LETM1: variants seen among roughly 807,000 people sequenced by gnomAD.
The protein encoded by LETM1 is leucine zipper and EF-hand containing transmembrane protein 1.
LETM1 carries 50 observed loss-of-function variants against 74.5 expected under a neutral mutation model. The ratio of observed to expected loss-of-function variants is 0.67; its 90% CI spans 0.53 to 0.85. The LOEUF is 0.85. Ranked by LOEUF, LETM1 falls within the 40% of genes least tolerant of loss-of-function variation. The pLI, the probability that LETM1 is intolerant of heterozygous loss-of-function variation, is 0.00. For missense variants in LETM1, 824 were observed against 967.8 expected (o/e 0.85, Z 1.97); for synonymous variants, 446 against 407.1 (o/e 1.10, Z -1.15).
chr4:1,855,993 C>T lies in LETM1; in HGVS notation c.-43G>A. 8.7e-7 allele frequency: 1 copy of T among 1,152,706 alleles called. No homozygotes were observed. The highest frequency in any genetic ancestry group is 1.1e-6 in the Non-Finnish European group (1 of 924,668). 71.4% of individuals were successfully genotyped at this position (1,152,706 alleles called of 1,614,324 possible). A position where few individuals can be genotyped will look rare whatever the true frequency, so the allele number is the denominator to read the frequency against. On this transcript the variant is annotated 5_prime_UTR_variant, in exon 1 of 14. Transcript: ENST00000302787. ...CCGCTCCGGCCTCCTGCGCTGCCTC[C>T]TTCTCCGCGGCGGCCGCGGCTCTTC...
intron 2 of LETM1, among the ~76,000 whole-genome samples, chr4:1,844,177 C>A (rs1268578915): frequency 6.6e-6 from 1 of 152,226 alleles, no homozygotes; most frequent in Non-Finnish European, 1.5e-5. Context: ...GAGTTGGGCA[C>A]ACCTGCAGGG....
Position 1,841,382 on chromosome 4 carries a change from T to C in LETM1, c.559A>G (p.Asn187Asp), listed in dbSNP as rs759059110. Reference protein sequence around the residue: ...IAARMLWRILNGHSLTRRERR... With the variant: ...IAARMLWRILDGHSLTRRERR... ...TCCCGGCGGGTCAGGCTGTGGCCGT[T>C]GAGGATGCGCCAGAGCATGCGTGCC... The change falls in exon 3 of 14, where the codon AAC (asparagine) becomes GAC (aspartate). Residue 187 changes from asparagine to aspartate, a missense_variant. By Grantham distance (23) the Asn-to-Asp change is conservative (BLOSUM62 1). Transcript: ENST00000302787. 3.1e-6 allele frequency: 5 copies of C among 1,613,632 alleles called. No homozygotes were observed. The African/African-American group carries it at 6.7e-5, about 22-fold the overall frequency.
chr4:1,855,941 T>G lies in LETM1; in HGVS notation c.10A>C (p.Ile4Leu). 8.2e-7 allele frequency: 1 copy of G among 1,224,326 alleles called. No homozygotes were observed. Among genetic ancestry groups the G allele is most frequent in the African/African-American group, 1.6e-5 (1 of 63,452 alleles). 75.8% of individuals were successfully genotyped at this position (1,224,326 alleles called of 1,614,324 possible). MAS[I>L]LLRSCRGRAP... ...CGGCCGCGGCAGCTCCTCAGTAAGA[T>G]GGACGCCATGTGCTCGGGCGCGGCG... Residue 4 changes from isoleucine to leucine, a missense_variant, in exon 1 of 14, where the codon ATC becomes CTC. Physicochemically the swap from Ile to Leu is conservative, Grantham distance 5. Transcript: ENST00000302787.
Position 1,855,879 on chromosome 4 carries a change from G to T in LETM1, c.72C>A (p.Thr24=). 3.2e-6 allele frequency: 4 copies of T among 1,235,756 alleles called. No homozygotes were observed. Among genetic ancestry groups the T allele is most frequent in the Non-Finnish European group, 4.0e-6 (4 of 992,022 alleles). The allele number at this position is 1,235,756 out of a possible 1,614,324, so 76.5% of individuals were successfully genotyped here. A position where few individuals can be genotyped will look rare whatever the true frequency, so the allele number is the denominator to read the frequency against. Residue 24 remains threonine, a synonymous_variant, in exon 1 of 14, where the codon ACC becomes ACA. Transcript: ENST00000302787. ...GTGCCCGCCGCTTACCCCGCGGGAC[G>T]GTGTACCGAGGCGGCGGCGGGAGGC... ...PARLPPPPRY[T]VPRGSPGDPA...
At chr4:1,831,102 G>C (rs1325649140) in intron 6 of LETM1, among the ~76,000 whole-genome samples, 3 of 152,206 alleles carry the variant, frequency 2.0e-5, no homozygotes, top group Admixed American at 2.0e-4. Flanking sequence ...AGACAAGGAA[G>C]GCAGCCATCG....
In LETM1 at chr4:1,850,523, G is replaced by A. The variant is rs562236943; in HGVS notation, c.83-1314C>T. Among the ~76,000 whole-genome samples the A allele has an allele frequency of 9.9e-5, 15 of 151,998 alleles. No individual in the cohort carries two copies. In the East Asian group the frequency reaches 1.9e-3, roughly 20 times the overall value. On this transcript the variant is annotated intron_variant, in intron 1 of 13. Transcript: ENST00000302787. ...CTGTAAGAATTACTACAACCGGACC[G>A]GGCGCAGTGGCTCACGCCTGTAATC...
chr4:1,827,615 A>G (rs1411544744), intron 6 of LETM1, among the ~76,000 whole-genome samples: 2 of 130,180 alleles, frequency 1.5e-5, no homozygotes, highest in Admixed American at 7.9e-5. Context: ...GTAAGGTCAC[A>G]GATCAACAGG....
At chr4:1,844,037 C>T (rs757243028) in intron 2 of LETM1, among the ~76,000 whole-genome samples, 1 of 152,162 alleles carries the variant, frequency 6.6e-6, no homozygotes, top group Non-Finnish European at 1.5e-5. Flanking sequence ...TTAGCAAGGA[C>T]GATGGTGGCT....
Position 1,820,122 on chromosome 4 carries a change from G to A in LETM1, c.1609-650C>T, listed in dbSNP as rs112666704. 2.1e-3 allele frequency among the ~76,000 whole-genome samples: 314 copies of A among 152,290 alleles called. 1 individual carries two copies. The highest frequency in any genetic ancestry group is 7.3e-3 in the African/African-American group (302 of 41,554). ...TGTCCAACTTTTTATTTTTTGTAAA[G>A]ACGGCGTCTCACTATGTTGCCCAGG... On this transcript the variant is annotated intron_variant, in intron 10 of 13. Transcript: ENST00000302787.
intron 13 of LETM1, 38 bp from the exon 14 acceptor site, chr4:1,814,611 G>A (rs372181611): frequency 4.4e-6 from 7 of 1,587,314 alleles, no homozygotes; most frequent in South Asian, 2.2e-5. Flanking sequence ...AGGTGGCTGC[G>A]CCCTACAGCA....
At chr4:1,851,440 T>A (rs1373748006) in intron 1 of LETM1, among the ~76,000 whole-genome samples, 2 of 152,136 alleles carry the variant, frequency 1.3e-5, no homozygotes, top group Non-Finnish European at 2.9e-5. Context: ...GATACGTCAC[T>A]TCACCTCATT....
intron 3 of LETM1, among the ~76,000 whole-genome samples, chr4:1,840,503 T>C (rs1712649317): frequency 6.6e-6 from 1 of 151,472 alleles, no homozygotes; most frequent in South Asian, 2.1e-4. Flanking sequence ...CCGTCTCTAC[T>C]AAAAATACAA....
intron 6 of LETM1, among the ~76,000 whole-genome samples, chr4:1,828,179 A>G (rs1210040203): frequency 2.0e-5 from 2 of 98,822 alleles, no homozygotes; most frequent in Non-Finnish European, 2.1e-5. Flanking sequence ...GGCCGGGCAG[A>G]GGCGCCCCTC....
chr4:1,849,070 AAG>A, intron 2 of LETM1, 77 bp downstream of exon 2: 1 of 924,262 alleles, frequency 1.1e-6, no homozygotes, highest in Non-Finnish European at 1.8e-6. Context: ...CTCAAAAATC[AAG>A]AGTCACTCGT....
intron 10 of LETM1, among the ~76,000 whole-genome samples, chr4:1,820,442 A>G (rs950694651): frequency 1.3e-5 from 2 of 151,794 alleles, no homozygotes; most frequent in Non-Finnish European, 2.9e-5. Context: ...TTCCTTTCTG[A>G]TCTATATGGT....
intron 5 of LETM1, 61 bp from the exon 6 acceptor site, chr4:1,833,008 A>G: frequency 6.8e-7 from 1 of 1,465,360 alleles, no homozygotes; most frequent in Non-Finnish European, 9.5e-7. Flanking sequence ...CCCTCCCACG[A>G]CCAACCACAT....
At chr4:1,823,555 A>T in intron 8 of LETM1, 89 bp downstream of exon 8, 1 of 1,515,586 alleles carries the variant, frequency 6.6e-7, no homozygotes, top group Non-Finnish European at 9.1e-7. Flanking sequence ...TGGTTGAGGA[A>T]TGAGTGCGCT....
In LETM1 at chr4:1,814,644, G is replaced by C. The variant is rs906943051; in HGVS notation, c.2071-71C>G. 21 of 1,396,452 alleles carry C rather than the reference G, an allele frequency of 1.5e-5. No individual in the cohort carries two copies. The Admixed American group carries it at 3.0e-4, about 20-fold the overall frequency. The allele number at this position is 1,396,452 out of a possible 1,614,324, so 86.5% of individuals were successfully genotyped here. A position where few individuals can be genotyped will look rare whatever the true frequency, so the allele number is the denominator to read the frequency against. On this transcript the variant is annotated intron_variant, in intron 13 of 13. Coordinates refer to ENST00000302787, the MANE Select transcript of LETM1 (RefSeq NM_012318.3). ...GCACAGTGAGGCAGAGGCGGGGCCA[G>C]CGCCGTCAGTCGCCCCAGCTGGGGT...
rs1295722960 is a variant in LETM1, at chr4:1,812,982, T to C, written c.*1442A>G. ...TGCACACACCTGGCAACTGCAAGACTTGTTCTCAAGGGTAAGTACACTTGG... is the reference window on the plus strand; with the variant it reads ...TGCACACACCTGGCAACTGCAAGACCTGTTCTCAAGGGTAAGTACACTTGG... On this transcript the variant is annotated 3_prime_UTR_variant, in exon 14 of 14. Coordinates refer to ENST00000302787, the MANE Select transcript of LETM1 (RefSeq NM_012318.3). 1 of 152,352 alleles carries C rather than the reference T, an allele frequency of 6.6e-6. No individual in the cohort carries two copies. Among genetic ancestry groups the C allele is most frequent in the Non-Finnish European group, 1.5e-5 (1 of 68,042 alleles). 9.4% of individuals were successfully genotyped at this position (152,352 alleles called of 1,614,324 possible). A position where few individuals can be genotyped will look rare whatever the true frequency, so the allele number is the denominator to read the frequency against.
Sources: allele counts gnomAD v4.1 joint callset (sites outside exome capture counted in the v4.1 genomes callset), GRCh38; gene constraint gnomAD v4.1.1; transcripts MANE v1.5; gene names NCBI Gene and HGNC (gene_info 2026-07-23, HGNC 2026-07-21).